The following KDM5B variants were observed in gnomAD, a reference collection of about 807,000 sequenced individuals.
KDM5B encodes the protein lysine demethylase 5B.
In KDM5B, 144 loss-of-function variants were observed where a neutral mutation model predicts 193.4. The ratio of observed to expected loss-of-function variants is 0.74; its 90% CI spans 0.65 to 0.86. The LOEUF (loss-of-function observed/expected upper bound fraction) is 0.86. Ranked by LOEUF, KDM5B falls within the 40% of genes least tolerant of loss-of-function variation. The probability of loss-of-function intolerance (pLI) is 0.00; values close to 1 mark genes in which losing one functional copy is unlikely to be tolerated. For missense variants in KDM5B, 1,833 were observed against 1,886.9 expected, an observed-to-expected ratio of 0.97 and a Z score of 0.53; for synonymous variants, 668 against 682.6, an observed-to-expected ratio of 0.98 and a Z score of 0.33.
intron 20 of KDM5B, among the ~76,000 whole-genome samples, chr1:202,739,961 TC>T (rs1655243894): frequency 6.6e-6 from 1 of 152,212 alleles, no homozygotes; most frequent in South Asian, 2.1e-4. Context: ...GCCATTGTCA[TC>T]CCGGCCCGTT....
chr1:202,754,892 C>T (rs1397991392), intron 11 of KDM5B, among the ~76,000 whole-genome samples: 6 of 152,182 alleles, frequency 3.9e-5, no homozygotes, highest in East Asian at 1.9e-4. Flanking sequence ...TCCATGTTGG[C>T]CAGGCTGGTC....
intron 8 of KDM5B, among the ~76,000 whole-genome samples, chr1:202,759,809 T>C (rs1192374605): frequency 3.3e-5 from 5 of 152,214 alleles, no homozygotes; most frequent in Non-Finnish European, 7.3e-5. Context: ...CTCTACTTTT[T>C]AAGTTGTTCA....
At chr1:202,767,360 C>T in intron 4 of KDM5B, 1 of 1,557,730 alleles carries the variant, frequency 6.4e-7, no homozygotes, top group East Asian at 2.2e-5. Context: ...CCAGGGCCCT[C>T]CTCACAGTGG....
intron 4 of KDM5B, chr1:202,767,346 C>T (rs1382464678): frequency 5.0e-6 from 8 of 1,592,198 alleles, no homozygotes; most frequent in African/African-American, 1.3e-5. Flanking sequence ...ATGGCAAATT[C>T]TTCCCAGGGC....
chr1:202,739,596 G>A (rs1326175624), intron 20 of KDM5B, among the ~76,000 whole-genome samples: 1 of 152,040 alleles, frequency 6.6e-6, no homozygotes, highest in Non-Finnish European at 1.5e-5. Flanking sequence ...AAGGTCTCTG[G>A]TTTTCCTAGG....
At chr1:202,771,101 C>T (rs766437088) in intron 4 of KDM5B, among the ~76,000 whole-genome samples, 4 of 152,184 alleles carry the variant, frequency 2.6e-5, no homozygotes, top group African/African-American at 4.8e-5. Flanking sequence ...CTATCACTTC[C>T]GTACTTAGGA....
At chr1:202,804,273 A>G (rs982334508) in intron 1 of KDM5B, among the ~76,000 whole-genome samples, 2 of 151,982 alleles carry the variant, frequency 1.3e-5, no homozygotes, top group African/African-American at 2.4e-5. Flanking sequence ...TTAAGTAGTT[A>G]TAAGTTCTTC....
In KDM5B at chr1:202,729,163, A is replaced by G; in HGVS notation, c.4508T>C (p.Val1503Ala). Residue 1503 changes from valine to alanine, a missense_variant, in exon 27 of 27, where the codon GTC (valine) becomes GCC (alanine). By Grantham distance (64) the Val-to-Ala change is moderately conservative. This residue lies in a region of KDM5B where 1,379 missense variants were observed against 1,349.6 expected (regional missense o/e 1.02). Transcript: ENST00000367265. ...CTGATTGCAGCTGCCATCACACTGGACCCAGTCCACCTGGTTACAAAGAGC... is the reference window on the plus strand; with the variant it reads ...CTGATTGCAGCTGCCATCACACTGGGCCCAGTCCACCTGGTTACAAAGAGC... ...LQPEGDEVDWVQCDGSCNQWF... is the reference protein window; with the variant it reads ...LQPEGDEVDWAQCDGSCNQWF... 1 of 1,614,120 alleles carries G rather than the reference A, an allele frequency of 6.2e-7. No individual in the cohort carries two copies. The highest frequency in any genetic ancestry group is 8.5e-7 in the Non-Finnish European group (1 of 1,179,976).
At chr1:202,800,844 C>T (rs1219544597) in intron 1 of KDM5B, among the ~76,000 whole-genome samples, 1 of 152,230 alleles carries the variant, frequency 6.6e-6, no homozygotes, top group Non-Finnish European at 1.5e-5. Context: ...CCTCCATGTG[C>T]CAACAGACCT....
At chr1:202,744,747 CAAAGATCT>C (rs1289165541) in intron 16 of KDM5B, among the ~76,000 whole-genome samples, 2 of 152,278 alleles carry the variant, frequency 1.3e-5, no homozygotes, top group African/African-American at 2.4e-5. Flanking sequence ...GGTGATTCTT[CAAAGATCT>C]AAAGACTGAA....
At chr1:202,768,602 T>C (rs1184318123) in intron 4 of KDM5B, among the ~76,000 whole-genome samples, 1 of 152,192 alleles carries the variant, frequency 6.6e-6, no homozygotes, top group Non-Finnish European at 1.5e-5. Flanking sequence ...AACTGACTCA[T>C]TACTTGTTAA....
intron 23 of KDM5B, among the ~76,000 whole-genome samples, chr1:202,732,905 G>C (rs1468647529): frequency 6.6e-6 from 1 of 152,168 alleles, no homozygotes; most frequent in Non-Finnish European, 1.5e-5. Context: ...GATCGCAAAT[G>C]GTGTGTAACC....
chr1:202,754,926 C>T (rs1336285553), intron 11 of KDM5B, among the ~76,000 whole-genome samples: 2 of 152,210 alleles, frequency 1.3e-5, no homozygotes, highest in Non-Finnish European at 2.9e-5. Context: ...CTCAGGTGAT[C>T]CGCCCATCTT....
In KDM5B at chr1:202,758,449, C is replaced by T. The variant is rs761791060; in HGVS notation, c.1139G>A (p.Arg380His). The T allele has an allele frequency of 7.4e-6, 12 of 1,612,810 alleles. No homozygotes were observed. Among genetic ancestry groups the T allele is most frequent in the East Asian group, 2.2e-5 (1 of 44,866 alleles). Residue 380 changes from arginine to histidine, a missense_variant, in exon 9 of 27, where the codon CGT (arginine) becomes CAT (histidine). Arg to His is a conservative substitution (Grantham distance 29). Transcript: ENST00000367265. Reference sequence around the variant, plus strand: ...CGCATCTGCCATTTCCCCAAAAGTACGGAGGGTATAGTCCCTGGCTGCTTG... The same window carrying T: ...CGCATCTGCCATTTCCCCAAAAGTATGGAGGGTATAGTCCCTGGCTGCTTG... ...FEQAARDYTLRTFGEMADAFK... is the reference protein window; with the variant it reads ...FEQAARDYTLHTFGEMADAFK...
At chr1:202,769,318 G>A (rs1015797583) in intron 4 of KDM5B, among the ~76,000 whole-genome samples, 8 of 151,112 alleles carry the variant, frequency 5.3e-5, no homozygotes, top group Non-Finnish European at 1.0e-4. Context: ...TTACAGGCGT[G>A]AGCCACTGCG....
At chr1:202,739,481 T>G (rs1276627760) in intron 20 of KDM5B, among the ~76,000 whole-genome samples, 2 of 151,964 alleles carry the variant, frequency 1.3e-5, no homozygotes, top group Non-Finnish European at 1.5e-5. Flanking sequence ...TTTTATTTAT[T>G]TATTTATTTT....
intron 1 of KDM5B, among the ~76,000 whole-genome samples, chr1:202,804,227 A>T (rs957784693): frequency 6.7e-6 from 1 of 149,724 alleles, no homozygotes; most frequent in Non-Finnish European, 1.5e-5. Context: ...TAAATTCGTG[A>T]ATTGTATGGT....
intron 6 of KDM5B, among the ~76,000 whole-genome samples, chr1:202,763,046 A>T (rs757911965): frequency 5.3e-5 from 8 of 152,236 alleles, no homozygotes; most frequent in Non-Finnish European, 1.2e-4. Context: ...GATGTCCCTC[A>T]GGTTTGTATG....
At position 202,743,951 on chromosome 1, in the gene KDM5B, T is replaced by A. The variant is rs117268418; in HGVS notation, c.2324-1146A>T. ...GGCACAGGCAAAGATTTCATGAAGATGCCAAAAGCAACTTCAACAAAAGCA... is the reference window on the plus strand; with the variant it reads ...GGCACAGGCAAAGATTTCATGAAGAAGCCAAAAGCAACTTCAACAAAAGCA... On this transcript the variant is annotated intron_variant, in intron 16 of 26. Transcript: ENST00000367265. 7.3e-4 allele frequency among the ~76,000 whole-genome samples: 111 copies of A among 152,248 alleles called. 1 individual carries two copies. The East Asian group carries it at 0.021, about 28-fold the overall frequency.
Sources: gnomAD v4.1 joint callset for allele counts (sites outside exome capture counted in the v4.1 genomes callset) on GRCh38, gnomAD v4.1.1 for gene constraint, gnomAD v4.1.1 regional missense constraint, MANE v1.5 for transcripts, NCBI Gene and HGNC (gene_info 2026-07-23, HGNC 2026-07-21) for gene names.